Variants in PBX1 observed in about 807,000 individuals in gnomAD.
PBX1 encodes PBX homeobox 1.
A neutral mutation model predicts 53.4 loss-of-function variants in PBX1; 6 were observed. The observed-to-expected ratio is 0.11, with a 90% CI of 0.06 to 0.22. The LOEUF (loss-of-function observed/expected upper bound fraction) is 0.22. PBX1 is among the 10% of genes least tolerant of loss of function. The probability of loss-of-function intolerance (pLI) is 1.00; values close to 1 mark genes in which losing one functional copy is unlikely to be tolerated. For missense variants in PBX1, 251 were observed against 551.4 expected (o/e 0.46, Z 5.46); for synonymous variants, 204 against 212.3 (o/e 0.96, Z 0.34).
rs370350186 is a variant in PBX1, at chr1:164,618,304, G to T, written c.265+54993G>T. ...CAGGGAGAATAATCACGGCGGGGGG[G>T]GGGGGGCACTCAAGATGATCAGCAC... is the stretch of plus-strand genomic sequence containing the variant. On this transcript the variant is annotated intron_variant, in intron 2 of 8. Coordinates refer to ENST00000420696, the MANE Select transcript of PBX1 (RefSeq NM_002585.4). Among the ~76,000 whole-genome samples the T allele has an allele frequency of 4.6e-3, 699 of 150,952 alleles. 16 individuals carry two copies. Among genetic ancestry groups the T allele is most frequent in the African/African-American group, 0.015 (618 of 41,006 alleles).
chr1:164,636,621 G>C (rs1208268065), intron 2 of PBX1, among the ~76,000 whole-genome samples: 1 of 152,144 alleles, frequency 6.6e-6, no homozygotes. Flanking sequence ...TCACCTTGTT[G>C]CTGGCTGCAG....
chr1:164,681,273 C>T (rs1158347650), intron 2 of PBX1, among the ~76,000 whole-genome samples: 2 of 151,810 alleles, frequency 1.3e-5, no homozygotes, highest in African/African-American at 2.4e-5. Flanking sequence ...AAAAGAAAGC[C>T]GATTTTACTT....
chr1:164,633,101 GGAT>G (rs1196853313), intron 2 of PBX1, among the ~76,000 whole-genome samples: 1 of 151,930 alleles, frequency 6.6e-6, no homozygotes, highest in Non-Finnish European at 1.5e-5. Context: ...GTCCTTGAAT[GGAT>G]GATGTTACTG....
chr1:164,697,641 G>A (rs1017393559), intron 2 of PBX1, among the ~76,000 whole-genome samples: 2 of 152,148 alleles, frequency 1.3e-5, no homozygotes, highest in African/African-American at 4.8e-5. Flanking sequence ...GCCTTCCCTA[G>A]GGGGACATCT....
intron 2 of PBX1, among the ~76,000 whole-genome samples, chr1:164,707,418 T>TGAGAGAGAGAGAGAGA (rs528876002): frequency 2.2e-4 from 26 of 118,252 alleles, no homozygotes; most frequent in African/African-American, 9.9e-4. Context: ...TGTGTGTGTG[T>TGAGAGAGAGAGAGAGA]GAGAGAGAGA....
intron 2 of PBX1, among the ~76,000 whole-genome samples, chr1:164,592,852 C>T (rs1454087408): frequency 6.6e-6 from 1 of 152,130 alleles, no homozygotes; most frequent in African/African-American, 2.4e-5. Context: ...GGTTTTCTGT[C>T]GTGAGCACTC....
intron 2 of PBX1, among the ~76,000 whole-genome samples, chr1:164,647,417 A>G (rs1284565311): frequency 6.6e-6 from 1 of 152,176 alleles, no homozygotes; most frequent in East Asian, 1.9e-4. Flanking sequence ...GAAGGAATCC[A>G]GCCCTGCTGG....
downstream of PBX1, among the ~76,000 whole-genome samples, chr1:164,856,474 T>A (rs1347021979): frequency 6.6e-6 from 1 of 152,206 alleles, no homozygotes; most frequent in Non-Finnish European, 1.5e-5. Flanking sequence ...ATTATATTTT[T>A]AATTTTTTTT....
chr1:164,672,777 T>A (rs1571193975), intron 2 of PBX1, among the ~76,000 whole-genome samples: 1 of 152,190 alleles, frequency 6.6e-6, no homozygotes, highest in Admixed American at 6.5e-5. Context: ...ACATACAGAT[T>A]TCTGTTTTTG....
chr1:164,587,992 C>G (rs181878174), intron 2 of PBX1, among the ~76,000 whole-genome samples: 3 of 152,336 alleles, frequency 2.0e-5, no homozygotes, highest in Non-Finnish European at 4.4e-5. Context: ...CTCTCATCTT[C>G]TGTGCTGGGA....
intron 8 of PBX1, among the ~76,000 whole-genome samples, chr1:164,822,150 G>A (rs114575447): frequency 0.016 from 2,405 of 152,152 alleles, 25 homozygotes; most frequent in Non-Finnish European, 0.024. Context: ...GTACGCTGGC[G>A]GCTCCTGACT....
intron 6 of PBX1, chr1:164,817,628 ATC>A (rs1195214383): frequency 1.3e-5 from 2 of 152,242 alleles, no homozygotes; most frequent in Non-Finnish European, 2.9e-5. Flanking sequence ...ATGCATATTT[ATC>A]TCTGTGTACA....
chr1:164,575,902 A>G (rs1366583174), intron 2 of PBX1, among the ~76,000 whole-genome samples: 1 of 152,200 alleles, frequency 6.6e-6, no homozygotes, highest in East Asian at 1.9e-4. Flanking sequence ...TGCTGCGCGC[A>G]GCACCAAGTA....
chr1:164,584,363 AAG>A (rs61298874), intron 2 of PBX1, among the ~76,000 whole-genome samples: 108 of 147,456 alleles, frequency 7.3e-4, no homozygotes, highest in South Asian at 2.0e-3. Flanking sequence ...GAGAGAGAGA[AAG>A]AGAGAGAGAG....
chr1:164,676,498 A>G (rs984856335), intron 2 of PBX1, among the ~76,000 whole-genome samples: 5 of 152,174 alleles, frequency 3.3e-5, no homozygotes, highest in African/African-American at 1.2e-4. Flanking sequence ...CCCAAGCAAG[A>G]TGGTTGCTAA....
intron 2 of PBX1, among the ~76,000 whole-genome samples, chr1:164,716,742 A>G (rs1307253487): frequency 7.3e-6 from 1 of 137,820 alleles, no homozygotes; most frequent in African/African-American, 2.6e-5. Flanking sequence ...AAATACACGA[A>G]GAGAAGAAAA....
intron 2 of PBX1, among the ~76,000 whole-genome samples, chr1:164,871,082 A>G (rs1032477279): frequency 6.6e-6 from 1 of 152,204 alleles, no homozygotes; most frequent in African/African-American, 2.4e-5. Context: ...CCAAAGACAG[A>G]GGGGAAGGAT....
intron 2 of PBX1, among the ~76,000 whole-genome samples, chr1:164,571,955 G>A (rs561798020): frequency 1.6e-4 from 22 of 133,886 alleles, no homozygotes; most frequent in African/African-American, 6.2e-4. Flanking sequence ...GTCCCAGGCA[G>A]GAGTGCAGTA....
At chr1:164,609,559 C>T (rs944615300) in intron 2 of PBX1, among the ~76,000 whole-genome samples, 3 of 152,172 alleles carry the variant, frequency 2.0e-5, no homozygotes, top group Non-Finnish European at 2.9e-5. Flanking sequence ...CCTCAGGCTC[C>T]TTGAGGCTTT....
Sources: gnomAD v4.1 joint callset for allele counts (sites outside exome capture counted in the v4.1 genomes callset) on GRCh38, gnomAD v4.1.1 for gene constraint, MANE v1.5 for transcripts, NCBI Gene and HGNC (gene_info 2026-07-23, HGNC 2026-07-21) for gene names.